The following TECTA variants were observed in gnomAD, a reference collection of about 807,000 sequenced individuals.
TECTA encodes alpha-tectorin.
A neutral mutation model predicts 216.8 loss-of-function variants in TECTA; 128 were observed. That is an observed-to-expected ratio of 0.59 (90% CI 0.51 to 0.68). The LOEUF is 0.68. Ranked by LOEUF, TECTA falls within the 30% of genes least tolerant of loss-of-function variation. The pLI, the probability that TECTA is intolerant of heterozygous loss-of-function variation, is 0.00. For missense variants in TECTA, 2,551 were observed against 2,786.2 expected (o/e 0.92, Z 1.90); for synonymous variants, 1,089 against 1,117.1 (o/e 0.97, Z 0.50).
At chr11:121,170,087 G>A (rs1338394847) in intron 20 of TECTA, among the ~76,000 whole-genome samples, 1 of 152,072 alleles carries the variant, frequency 6.6e-6, no homozygotes, top group Non-Finnish European at 1.5e-5. Context: ...TCCCACATGT[G>A]AGTGAGAACC....
rs377345766 is a variant in TECTA at position 121,190,829 on chromosome 11, A to T, written c.*23A>T. 1.3e-4 allele frequency: 203 copies of T among 1,565,466 alleles called. No individual in the cohort carries two copies. Among genetic ancestry groups the T allele is most frequent in the Non-Finnish European group, 1.8e-4 (200 of 1,139,396 alleles). On this transcript the variant is annotated 3_prime_UTR_variant, in exon 24 of 24. Coordinates refer to ENST00000392793, the MANE Select transcript of TECTA (RefSeq NM_005422.4). Reference sequence around the variant, plus strand: ...TAATTAACTCAAGGTTGCTATATAAAGTACTGTAATTTACTTACTTCAACA... The same window carrying T: ...TAATTAACTCAAGGTTGCTATATAATGTACTGTAATTTACTTACTTCAACA...
At chr11:121,151,766 G>A (rs993421010) in intron 12 of TECTA, among the ~76,000 whole-genome samples, 3 of 152,166 alleles carry the variant, frequency 2.0e-5, no homozygotes, top group Non-Finnish European at 4.4e-5. Context: ...ATAGAACTGT[G>A]TACTCTAAAA....
intron 10 of TECTA, among the ~76,000 whole-genome samples, chr11:121,132,909 T>G (rs1406958370): frequency 3.3e-5 from 5 of 152,054 alleles, no homozygotes; most frequent in African/African-American, 7.2e-5. Context: ...GTGTGTGTGT[T>G]TTTAGTAGAG....
Position 121,127,819 on chromosome 11 carries a change from C to T in TECTA, c.1842C>T (p.Cys614=), listed in dbSNP as rs756704361. The change falls in exon 9 of 24, where the codon TGC becomes TGT. Residue 614 remains cysteine (C), a synonymous_variant. Transcript: ENST00000392793. This position sits in a 1 kb window ranked among gnomAD's most constrained non-coding sequence, Gnocchi z 5.0. The part of the protein sequence containing the change: ...SVCTSSCPDT[C]SDLTASRNCA... ...GCACAAGCAGCTGCCCCGACACATG[C>T]TCCGACCTGACGGCCTCGCGGAACT... The T allele has an allele frequency of 8.1e-6, 13 of 1,614,206 alleles. No individual in the cohort carries two copies. Among genetic ancestry groups the T allele is most frequent in the Non-Finnish European group, 1.1e-5 (13 of 1,180,046 alleles).
At position 121,158,096 on chromosome 11, in the gene TECTA, C is replaced by A. The variant is rs201498689; in HGVS notation, c.4561C>A (p.Pro1521Thr). The change falls in exon 14 of 24, where the codon CCC becomes ACC. Residue 1521 changes from proline (P) to threonine (T), a missense_variant. Pro to Thr is a conservative substitution (Grantham distance 38, BLOSUM62 -1). Around this residue, in one of 3 missense-constraint regions of TECTA, gnomAD observed 2,375 missense variants for 2,563.9 expected, o/e 0.93. Coordinates refer to ENST00000392793, the MANE Select transcript of TECTA (RefSeq NM_005422.4). ...FVLSTICQKL[P>T]DISFQLIINF... Reference sequence around the variant, plus strand: ...GCTGTCCACCATCTGCCAGAAACTGCCCGACATCTCCTTCCAGCTTATCAT... The same window carrying A: ...GCTGTCCACCATCTGCCAGAAACTGACCGACATCTCCTTCCAGCTTATCAT... The A allele has an allele frequency of 1.9e-6, 3 of 1,614,174 alleles. No individual in the cohort carries two copies. The highest frequency in any genetic ancestry group is 2.5e-6 in the Non-Finnish European group (3 of 1,180,048).
At chr11:121,146,391 T>G in intron 12 of TECTA, 1 of 512,664 alleles carries the variant, frequency 2.0e-6, no homozygotes, top group South Asian at 2.1e-5. Context: ...GTATCACACA[T>G]GGCACTTGGA....
chr11:121,165,177 T>G, intron 16 of TECTA, 96 bp from the exon 17 acceptor site: 3 of 1,163,536 alleles, frequency 2.6e-6, no homozygotes, highest in Non-Finnish European at 3.8e-6. Flanking sequence ...CCATTTCCAA[T>G]GTGATTAAAG....
Position 121,113,141 on chromosome 11 carries a change from A to G in TECTA, c.556A>G (p.Ile186Val). 1 of 1,613,926 alleles carries G rather than the reference A, an allele frequency of 6.2e-7. No homozygotes were observed. The highest frequency in any genetic ancestry group is 8.5e-7 in the Non-Finnish European group (1 of 1,179,974). ...ATTCACCCTCTTCAATTATTACGAA[A>G]TCAACTGGACCACGGGGACGGCGAG... ...YTFTLFNYYE[I>V]NWTTGTASGG... Residue 186 changes from isoleucine to valine, a missense_variant, in exon 5 of 24, where the codon ATC (isoleucine) becomes GTC (valine). Coordinates refer to ENST00000392793, the MANE Select transcript of TECTA (RefSeq NM_005422.4). This position sits in a 1 kb window ranked among gnomAD's most constrained non-coding sequence, Gnocchi z 4.2.
chr11:121,162,514 G>T, intron 16 of TECTA, 144 bp downstream of exon 16: 1 of 1,164,926 alleles, frequency 8.6e-7, no homozygotes, highest in Non-Finnish European at 1.2e-6. Flanking sequence ...AGAGAGCTGT[G>T]AGCTGCAGCC....
In TECTA at chr11:121,168,887, T is replaced by C. The variant is rs1011820794; in HGVS notation, c.5961T>C (p.Asp1987=). 2 of 1,614,014 alleles carry C rather than the reference T, an allele frequency of 1.2e-6. No homozygotes were observed. Among genetic ancestry groups the C allele is most frequent in the East Asian group, 2.2e-5 (1 of 44,878 alleles). Residue 1987 remains aspartate, a synonymous_variant, in exon 20 of 24, where the codon GAT becomes GAC. Transcript: ENST00000392793. ...AATGCTATGCCACACCCACCCGAGA[T>C]AGCAATGATAAGCTCCGATATTTCA... ...LNKCYATPTR[D]SNDKLRYFII...
chr11:121,138,788 C>T (rs1193797599), intron 11 of TECTA, among the ~76,000 whole-genome samples: 2 of 152,228 alleles, frequency 1.3e-5, no homozygotes, highest in Non-Finnish European at 2.9e-5. Context: ...TCCTGCTCTG[C>T]ACATGACTTG....
chr11:121,141,547 G>A (rs750990236), intron 11 of TECTA, among the ~76,000 whole-genome samples: 5 of 152,162 alleles, frequency 3.3e-5, no homozygotes, highest in Admixed American at 6.5e-5. Flanking sequence ...TGGGGGCACC[G>A]CCATAGCCCA....
intron 20 of TECTA, among the ~76,000 whole-genome samples, chr11:121,172,874 T>C (rs1212970212): frequency 6.6e-6 from 1 of 150,766 alleles, no homozygotes; most frequent in African/African-American, 2.4e-5. Context: ...TTTTAATGAT[T>C]GCCATTCTAA....
In TECTA at chr11:121,127,658, A is replaced by G; in HGVS notation, c.1775-94A>G. 6.9e-7 allele frequency: 1 copy of G among 1,451,614 alleles called. No homozygotes were observed. The highest frequency in any genetic ancestry group is 1.1e-5 in the South Asian group (1 of 87,750). 89.9% of individuals were successfully genotyped at this position (1,451,614 alleles called of 1,614,324 possible). A position where few individuals can be genotyped will look rare whatever the true frequency, so the allele number is the denominator to read the frequency against. The stretch of plus-strand genomic sequence containing the variant: ...TGGCCGCTTGACCCTCACTCTAGGA[A>G]CTAAATGATCCAGGAGGAGCGTTAA... On this transcript the variant is annotated intron_variant, in intron 8 of 23. Transcript: ENST00000392793. This position sits in a 1 kb window ranked among gnomAD's most constrained non-coding sequence, Gnocchi z 5.0.
intron 7 of TECTA, among the ~76,000 whole-genome samples, chr11:121,123,023 G>T (rs988655131): frequency 6.6e-6 from 1 of 152,170 alleles, no homozygotes; most frequent in Non-Finnish European, 1.5e-5. Context: ...CGCCTGCCAC[G>T]GTAAATTTTG....
rs1946523602 is a variant in TECTA, at chr11:121,118,563, C to T, written c.1048C>T (p.Arg350Ter). ...FQGSCAYLLA[R>*]QCLQTSSLPF... ...AGGCTCCTGTGCCTACTTGCTGGCC[C>T]GACAGTGTTTGCAGACTTCCAGCCT... The change falls in exon 7 of 24, where the codon CGA becomes TGA. Residue 350 changes from arginine to a stop codon, truncating the protein, a stop_gained. Transcript: ENST00000392793. LOFTEE classifies it high-confidence loss of function. 5 of 1,614,182 alleles carry T rather than the reference C, an allele frequency of 3.1e-6. No individual in the cohort carries two copies. The highest frequency in any genetic ancestry group is 1.3e-5 in the African/African-American group (1 of 75,044).
At position 121,113,446 on chromosome 11, in the gene TECTA, C is replaced by A; in HGVS notation, c.625-107C>A. ...TGGCCCCAGTGACTCCAGGAAAAGA[C>A]GGCTCTTGATTTTAGAGGTGCTGGA... is the stretch of plus-strand genomic sequence containing the variant. On this transcript the variant is annotated intron_variant, in intron 5 of 23. Transcript: ENST00000392793. The surrounding 1 kb of genome is among the most constrained non-coding windows in gnomAD (Gnocchi z 4.2). 1.3e-6 allele frequency: 2 copies of A among 1,522,072 alleles called. No individual in the cohort carries two copies. The highest frequency in any genetic ancestry group is 1.1e-5 in the South Asian group (1 of 88,382). 94.3% of individuals were successfully genotyped at this position (1,522,072 alleles called of 1,614,324 possible). A position where few individuals can be genotyped will look rare whatever the true frequency, so the allele number is the denominator to read the frequency against.
rs1234750406 is a variant in TECTA at position 121,127,493 on chromosome 11, TG to T, written c.1775-257del. Among the ~76,000 whole-genome samples, 1 of 152,160 alleles carries T rather than the reference TG, an allele frequency of 6.6e-6. No homozygotes were observed. The highest frequency in any genetic ancestry group is 1.5e-5 in the Non-Finnish European group (1 of 68,018). On this transcript the variant is annotated intron_variant, in intron 8 of 23. Coordinates refer to ENST00000392793, the MANE Select transcript of TECTA (RefSeq NM_005422.4). This position sits in a 1 kb window ranked among gnomAD's most constrained non-coding sequence, Gnocchi z 5.0. ...TGGGTAATCAGTAGTCTAGAAAGGA[TG>T]GCATCCTGAAAGTTTAATTTTAGTC...
At chr11:121,159,113 A>G (rs1032538990) in intron 14 of TECTA, among the ~76,000 whole-genome samples, 2 of 152,228 alleles carry the variant, frequency 1.3e-5, no homozygotes, top group African/African-American at 4.8e-5. Context: ...TGCTCAGATA[A>G]TCAGGCCTTG....
Sources: allele counts gnomAD v4.1 joint callset (sites outside exome capture counted in the v4.1 genomes callset), GRCh38; gene constraint gnomAD v4.1.1; regional missense constraint gnomAD v4.1.1; non-coding constraint Gnocchi (gnomAD v3.1); transcripts MANE v1.5; gene names NCBI Gene and HGNC (gene_info 2026-07-23, HGNC 2026-07-21).